RBM19: variants seen among roughly 807,000 people sequenced by gnomAD.
RBM19 encodes the protein probable RNA-binding protein 19.
RBM19 carries 94 observed loss-of-function variants against 116.8 expected under a neutral mutation model. That is an observed-to-expected ratio of 0.80 (90% CI 0.68 to 0.95). RBM19 has a LOEUF of 0.95. Ranked by LOEUF, RBM19 falls within the 40% of genes least tolerant of loss-of-function variation. The probability of loss-of-function intolerance (pLI) is 0.00; values close to 1 mark genes in which losing one functional copy is unlikely to be tolerated. For missense variants in RBM19, 1,161 were observed against 1,220.7 expected, an observed-to-expected ratio of 0.95 and a Z score of 0.73; for synonymous variants, 475 against 494.1, an observed-to-expected ratio of 0.96 and a Z score of 0.51.
At position 113,822,955 on chromosome 12, in the gene RBM19, C is replaced by A. The variant is rs1020571217; in HGVS notation, c.*269G>T. 1.1e-5 allele frequency: 5 copies of A among 443,730 alleles called. No individual in the cohort carries two copies. The highest frequency in any genetic ancestry group is 1.0e-4 in the African/African-American group (5 of 49,650). 27.5% of individuals were successfully genotyped at this position (443,730 alleles called of 1,614,324 possible). On this transcript the variant is annotated 3_prime_UTR_variant, in exon 24 of 24. Coordinates refer to ENST00000261741, the MANE Select transcript of RBM19 (RefSeq NM_016196.4). ...GTCTCTCTTCCTAACGTGGCTGCTC[C>A]CTTGGACTCTTCCGTGTCTGCTACA...
chr12:113,959,415 C>A lies in RBM19; in HGVS notation c.379-11G>T, dbSNP rs1872286938. On this transcript the variant is annotated splice_polypyrimidine_tract_variant and intron_variant, in intron 4 of 23. Coordinates refer to ENST00000261741, the MANE Select transcript of RBM19 (RefSeq NM_016196.4). ...TGTATCCTCCTTCAGCTGGTGGCAC[C>A]AGAACCCGGGCGGCAGGGACACGGG... 6.3e-7 allele frequency: 1 copy of A among 1,595,110 alleles called. No individual in the cohort carries two copies.
rs1365227893 is a variant in RBM19, at chr12:113,878,849, G to GT, written c.2559-19954_2559-19953insA. Among the ~76,000 whole-genome samples the GT allele has an allele frequency of 3.6e-3, 544 of 151,074 alleles. 6 individuals carry two copies. Among genetic ancestry groups the GT allele is most frequent in the African/African-American group, 0.012 (507 of 41,038 alleles). On this transcript the variant is annotated intron_variant, in intron 21 of 23. Coordinates refer to ENST00000261741, the MANE Select transcript of RBM19 (RefSeq NM_016196.4). The stretch of plus-strand genomic sequence containing the variant: ...TTGAAAAAAAAAAAAAAAAAGGGGG[G>GT]GGTGGTGAGAGGGTGAGATTGGGGG...
chr12:113,943,643 G>A (rs1360650547), intron 13 of RBM19, among the ~76,000 whole-genome samples: 1 of 152,106 alleles, frequency 6.6e-6, no homozygotes, highest in East Asian at 1.9e-4. Flanking sequence ...GACCAACATG[G>A]AGAAACCTCA....
intron 15 of RBM19, among the ~76,000 whole-genome samples, chr12:113,937,691 T>C (rs1165734527): frequency 2.0e-5 from 3 of 148,214 alleles, no homozygotes; most frequent in Non-Finnish European, 4.4e-5. Flanking sequence ...TCCCTTGAGC[T>C]CAGGAGTTTG....
intron 21 of RBM19, among the ~76,000 whole-genome samples, chr12:113,861,313 G>T (rs1878347375): frequency 6.6e-6 from 1 of 152,188 alleles, no homozygotes; most frequent in East Asian, 1.9e-4. Context: ...CAGGGGTCCA[G>T]TGACTTCCCT....
chr12:113,928,569 A>G (rs1869325496), intron 16 of RBM19, among the ~76,000 whole-genome samples: 1 of 150,192 alleles, frequency 6.7e-6, no homozygotes, highest in Non-Finnish European at 1.5e-5. Flanking sequence ...TCCACTCTGA[A>G]GGAACAGCAT....
At position 113,911,789 on chromosome 12, in the gene RBM19, G is replaced by A. The variant is rs377391287; in HGVS notation, c.2558+3180C>T. On this transcript the variant is annotated intron_variant, in intron 21 of 23. Transcript: ENST00000261741. ...CCCCAGAAACATGAGGCACTGCAGC[G>A]CACGGGGCCGGGGACATGAGAAAGA... is the stretch of plus-strand genomic sequence containing the variant. Among the ~76,000 whole-genome samples, 12 of 152,236 alleles carry A rather than the reference G, an allele frequency of 7.9e-5. No individual in the cohort carries two copies. The South Asian group carries it at 2.1e-3, about 26-fold the overall frequency.
chr12:113,899,675 C>T (rs1436742781), intron 21 of RBM19, among the ~76,000 whole-genome samples: 1 of 152,162 alleles, frequency 6.6e-6, no homozygotes, highest in Non-Finnish European at 1.5e-5. Flanking sequence ...TTTGCTAAAC[C>T]GACAAGTTAT....
At chr12:113,838,305 C>T (rs980235074) in intron 23 of RBM19, among the ~76,000 whole-genome samples, 4 of 152,238 alleles carry the variant, frequency 2.6e-5, no homozygotes, top group East Asian at 3.8e-4. Flanking sequence ...CACACAAACC[C>T]CACAGGGTGA....
At chr12:113,955,626 T>A (rs150072450) in intron 6 of RBM19, among the ~76,000 whole-genome samples, 1 of 152,322 alleles carries the variant, frequency 6.6e-6, no homozygotes, top group African/African-American at 2.4e-5. Flanking sequence ...ATGGGGATTA[T>A]GGGTTCAGGA....
intron 6 of RBM19, among the ~76,000 whole-genome samples, chr12:113,956,425 A>G (rs370543202): frequency 6.6e-6 from 1 of 151,886 alleles, no homozygotes; most frequent in Non-Finnish European, 1.5e-5. Context: ...TACTAAAAAT[A>G]CAAAAATTAG....
Position 113,907,571 on chromosome 12 carries a change from C to T in RBM19, c.2558+7398G>A, listed in dbSNP as rs543278215. Among the ~76,000 whole-genome samples the T allele has an allele frequency of 4.9e-4, 74 of 152,288 alleles. 2 individuals are homozygous for T. Among genetic ancestry groups the T allele is most frequent in the South Asian group, 2.7e-3 (13 of 4,824 alleles). ...AACAGGGCAGAGTGGGGAAATGACC[C>T]GGTCCTCGCGGCCAGCCCTCCGAGG... On this transcript the variant is annotated intron_variant, in intron 21 of 23. Coordinates refer to ENST00000261741, the MANE Select transcript of RBM19 (RefSeq NM_016196.4).
Position 113,834,071 on chromosome 12 carries a change from G to A in RBM19, c.2785+10597C>T, listed in dbSNP as rs552635349. Among the ~76,000 whole-genome samples the A allele has an allele frequency of 7.9e-5, 12 of 152,164 alleles. No individual in the cohort carries two copies. The South Asian group carries it at 1.9e-3, about 24-fold the overall frequency. ...TATTTTACCCTTTCTAATTTCCACC[G>A]CAGGACTTGGTATCATTAGAACTTT... On this transcript the variant is annotated intron_variant, in intron 23 of 23. Transcript: ENST00000261741.
intron 21 of RBM19, among the ~76,000 whole-genome samples, chr12:113,872,531 GC>G (rs1197489252): frequency 1.6e-5 from 2 of 125,896 alleles, no homozygotes; most frequent in African/African-American, 5.6e-5. Context: ...GGGGGTGTCG[GC>G]CCCCCGCCCG....
At chr12:113,854,714 C>T (rs564855095) in intron 22 of RBM19, among the ~76,000 whole-genome samples, 3 of 152,292 alleles carry the variant, frequency 2.0e-5, no homozygotes, top group Admixed American at 6.5e-5. Flanking sequence ...ATGGTCAGGA[C>T]CCACCCCCGG....
intron 16 of RBM19, chr12:113,927,436 G>A: frequency 3.4e-6 from 2 of 589,950 alleles, no homozygotes. Context: ...TCCTGCCCCT[G>A]CTGTGTTGTA....
chr12:113,821,979 GCA>G (rs1267036880), downstream of RBM19: 2 of 152,198 alleles, frequency 1.3e-5, no homozygotes, highest in Non-Finnish European at 2.9e-5. Flanking sequence ...CATGTTTTAT[GCA>G]CAGAGTCTGA....
At chr12:113,893,761 T>C (rs1881119470) in intron 21 of RBM19, among the ~76,000 whole-genome samples, 1 of 152,214 alleles carries the variant, frequency 6.6e-6, no homozygotes, top group Non-Finnish European at 1.5e-5. Context: ...CATATGTGAC[T>C]AAAATGAGAA....
chr12:113,894,892 A>C (rs1881215125), intron 21 of RBM19, among the ~76,000 whole-genome samples: 1 of 152,176 alleles, frequency 6.6e-6, no homozygotes, highest in African/African-American at 2.4e-5. Flanking sequence ...ATGCCTGACC[A>C]TTTTGATATT....
Sources: gnomAD v4.1 joint callset for allele counts (sites outside exome capture counted in the v4.1 genomes callset) on GRCh38, gnomAD v4.1.1 for gene constraint, MANE v1.5 for transcripts, NCBI Gene and HGNC (gene_info 2026-07-23, HGNC 2026-07-21) for gene names.